NELL1: variants seen among roughly 807,000 people sequenced by gnomAD.
NELL1 encodes the protein protein kinase C-binding protein NELL1.
A neutral mutation model predicts 107.4 loss-of-function variants in NELL1; 76 were observed. The observed-to-expected ratio is 0.71, with a 90% CI of 0.59 to 0.86. The LOEUF is 0.86. Among genes scored for constraint, NELL1 ranks in the 40% least tolerant of loss-of-function variants. NELL1 has a pLI of 0.00. For synonymous variants in NELL1, 353 were observed against 341.2 expected (o/e 1.03, Z -0.38); for missense variants, 1,024 against 1,005.5 (o/e 1.02, Z -0.25).
At position 21,236,046 on chromosome 11, in the gene NELL1, A is replaced by AGT. The variant is rs1391273176; in HGVS notation, c.1549+6593_1549+6594insTG. Among the ~76,000 whole-genome samples, 936 of 152,142 alleles carry AGT rather than the reference A, an allele frequency of 6.2e-3. 9 individuals are homozygous for AGT. The highest frequency in any genetic ancestry group is 0.021 in the African/African-American group (880 of 41,514). On this transcript the variant is annotated intron_variant, in intron 14 of 19. Transcript: ENST00000357134. ...AGAGTTAACTAATCATTCTCCCAAC[A>AGT]GACCAGGCCAGATGGATGATTTCAT...
intron 14 of NELL1, among the ~76,000 whole-genome samples, chr11:21,270,612 TAAA>T (rs1848719830): frequency 6.6e-6 from 1 of 151,886 alleles, no homozygotes; most frequent in African/African-American, 2.4e-5. Flanking sequence ...CTTTCTGAAA[TAAA>T]CAGAGTCTGC....
At chr11:21,365,133 C>T (rs377704902) in intron 14 of NELL1, among the ~76,000 whole-genome samples, 17 of 152,296 alleles carry the variant, frequency 1.1e-4, no homozygotes, top group South Asian at 1.0e-3. Context: ...ACACTGTGTT[C>T]GTGCTACTGC....
At chr11:21,439,025 G>T (rs752640237) in intron 15 of NELL1, among the ~76,000 whole-genome samples, 1 of 151,586 alleles carries the variant, frequency 6.6e-6, no homozygotes, top group African/African-American at 2.4e-5. Flanking sequence ...ATCCCATCAG[G>T]TAAAGCTTAG....
At chr11:21,005,420 C>T (rs1852307293) in intron 12 of NELL1, among the ~76,000 whole-genome samples, 1 of 152,180 alleles carries the variant, frequency 6.6e-6, no homozygotes, top group Non-Finnish European at 1.5e-5. Context: ...GCTGTTCAGA[C>T]TGGACAGTGG....
chr11:20,851,380 A>G (rs902834227), intron 4 of NELL1, among the ~76,000 whole-genome samples: 5 of 152,146 alleles, frequency 3.3e-5, no homozygotes, highest in Admixed American at 6.5e-5. Context: ...TGATGTGTGG[A>G]TAGCAGATTA....
chr11:20,973,842 C>T (rs1450364586), intron 12 of NELL1, among the ~76,000 whole-genome samples: 1 of 152,204 alleles, frequency 6.6e-6, no homozygotes, highest in Non-Finnish European at 1.5e-5. Flanking sequence ...ACTTTTCCTG[C>T]TACTGCCGAA....
rs989891224 is a variant in NELL1, at chr11:21,426,105, C to A, written c.1645+55157C>A. ...AACAATGAGATTGGAGAGGAGAAAA[C>A]CCTTTTGTTTACTGGTGGAATTCAT... On this transcript the variant is annotated intron_variant, in intron 15 of 19. Coordinates refer to ENST00000357134, the MANE Select transcript of NELL1 (RefSeq NM_006157.5). 2.0e-5 allele frequency among the ~76,000 whole-genome samples: 3 copies of A among 152,044 alleles called. No individual in the cohort carries two copies. In the East Asian group the frequency reaches 5.8e-4, roughly 29 times the overall value.
intron 3 of NELL1, among the ~76,000 whole-genome samples, chr11:20,792,127 T>G (rs139913838): frequency 4.6e-5 from 7 of 152,234 alleles, no homozygotes; most frequent in African/African-American, 1.7e-4. Flanking sequence ...GAGTTTTAGC[T>G]GATTTTTAAG....
At chr11:20,702,275 T>C (rs1372025171) in intron 2 of NELL1, among the ~76,000 whole-genome samples, 1 of 152,230 alleles carries the variant, frequency 6.6e-6, no homozygotes, top group Non-Finnish European at 1.5e-5. Context: ...GAAGCAATTA[T>C]GAATAGGAGT....
At chr11:21,221,797 A>G (rs1857763654) in intron 13 of NELL1, among the ~76,000 whole-genome samples, 1 of 152,022 alleles carries the variant, frequency 6.6e-6, no homozygotes, top group African/African-American at 2.4e-5. Context: ...GGCTCAAGAA[A>G]TCCTCCCACC....
At chr11:21,442,072 TAAC>T (rs1040123014) in intron 15 of NELL1, among the ~76,000 whole-genome samples, 1 of 152,132 alleles carries the variant, frequency 6.6e-6, no homozygotes, top group African/African-American at 2.4e-5. Flanking sequence ...CAAAAAATAT[TAAC>T]TTTTGTTTAT....
At chr11:20,775,325 T>C (rs1166806485) in intron 2 of NELL1, among the ~76,000 whole-genome samples, 1 of 152,250 alleles carries the variant, frequency 6.6e-6, no homozygotes. Flanking sequence ...TGGCTGGACA[T>C]TTCCTATGTT....
rs576510275 is a variant in NELL1, at chr11:20,916,427, T to G, written c.604-1755T>G. Among the ~76,000 whole-genome samples, 13 of 152,058 alleles carry G rather than the reference T, an allele frequency of 8.5e-5. No individual in the cohort carries two copies. The South Asian group carries it at 2.5e-3, about 29-fold the overall frequency. ...GTGCTGTATTTTCTTGCTTTAGGAT[T>G]AGCGGGATGGGGTATTATTTTAAAA... is the stretch of plus-strand genomic sequence containing the variant. On this transcript the variant is annotated intron_variant, in intron 5 of 19. Transcript: ENST00000357134.
At chr11:21,114,725 G>A (rs1470637938) in intron 13 of NELL1, among the ~76,000 whole-genome samples, 1 of 151,920 alleles carries the variant, frequency 6.6e-6, no homozygotes, top group Non-Finnish European at 1.5e-5. Flanking sequence ...ACCACATAAA[G>A]TCACATCTCA....
chr11:21,464,183 C>T (rs545516167), intron 15 of NELL1, among the ~76,000 whole-genome samples: 2 of 152,092 alleles, frequency 1.3e-5, no homozygotes, highest in South Asian at 2.1e-4. Context: ...GTGGTCACAG[C>T]CTGCCCAGAC....
At chr11:21,570,173 C>A (rs1857067044) in intron 17 of NELL1, among the ~76,000 whole-genome samples, 1 of 151,742 alleles carries the variant, frequency 6.6e-6, no homozygotes, top group South Asian at 2.1e-4. Flanking sequence ...ATTATACACC[C>A]CTGTAGTACA....
intron 13 of NELL1, among the ~76,000 whole-genome samples, chr11:21,219,992 A>G (rs1330155410): frequency 6.6e-6 from 1 of 152,168 alleles, no homozygotes; most frequent in Non-Finnish European, 1.5e-5. Flanking sequence ...AGCAAAGAGG[A>G]GGTGCTACAC....
At chr11:21,411,316 T>C (rs529364092) in intron 15 of NELL1, among the ~76,000 whole-genome samples, 68 of 152,198 alleles carry the variant, frequency 4.5e-4, no homozygotes, top group Non-Finnish European at 9.3e-4. Flanking sequence ...TCTGCAAACA[T>C]GCCTGTGGGT....
intron 13 of NELL1, among the ~76,000 whole-genome samples, chr11:21,190,153 G>GACC (rs1219826020): frequency 1.3e-5 from 2 of 151,770 alleles, no homozygotes; most frequent in African/African-American, 4.9e-5. Context: ...AGGAGTTTGA[G>GACC]ACCAGCCTGA....
Sources: gnomAD v4.1 joint callset for allele counts (sites outside exome capture counted in the v4.1 genomes callset) on GRCh38, gnomAD v4.1.1 for gene constraint, MANE v1.5 for transcripts, NCBI Gene and HGNC (gene_info 2026-07-23, HGNC 2026-07-21) for gene names.